Variants in EVC observed in about 807,000 individuals in gnomAD.
EVC encodes the protein evC complex member EVC.
EVC carries 116 observed loss-of-function variants against 118.9 expected under a neutral mutation model. The observed-to-expected ratio is 0.98, with a 90% CI of 0.84 to 1.14. The LOEUF is 1.14. Among genes scored for constraint, EVC ranks in the 50% most tolerant of loss-of-function variants. The pLI is 0.00. For synonymous variants in EVC, 619 were observed against 534.7 expected (o/e 1.16, Z -2.18); for missense variants, 1,401 against 1,246.4 (o/e 1.12, Z -1.87).
chr4:5,741,431 C>T (rs1045983771), intron 5 of EVC, among the ~76,000 whole-genome samples: 4 of 152,154 alleles, frequency 2.6e-5, no homozygotes, highest in African/African-American at 9.7e-5. Flanking sequence ...ATGTGGAGGG[C>T]CTTGCACAGA....
chr4:5,816,974 T>C (rs1187601181), downstream of EVC, among the ~76,000 whole-genome samples: 1 of 152,136 alleles, frequency 6.6e-6, no homozygotes, highest in African/African-American at 2.4e-5. Flanking sequence ...CTCCTTTCTC[T>C]GGAAACCACT....
intron 7 of EVC, among the ~76,000 whole-genome samples, chr4:5,747,753 T>G (rs1279516725): frequency 6.6e-6 from 1 of 152,246 alleles, no homozygotes; most frequent in Non-Finnish European, 1.5e-5. Flanking sequence ...AACATCTGTT[T>G]ATGCTTTTAC....
intron 1 of EVC, among the ~76,000 whole-genome samples, chr4:5,713,336 A>G (rs993703266): frequency 2.0e-5 from 3 of 152,158 alleles, no homozygotes; most frequent in Non-Finnish European, 4.4e-5. Context: ...GTCAGACAAT[A>G]TGATTCTCCT....
At position 5,809,600 on chromosome 4, in the gene EVC, G is replaced by T; in HGVS notation, c.2771G>T (p.Arg924Leu). 1.2e-6 allele frequency: 2 copies of T among 1,614,098 alleles called. No individual in the cohort carries two copies. The highest frequency in any genetic ancestry group is 1.7e-6 in the Non-Finnish European group (2 of 1,180,004). The change falls in exon 19 of 21, where the codon CGT (arginine) becomes CTT (leucine). Residue 924 changes from arginine (R) to leucine (L), a missense_variant. Coordinates refer to ENST00000264956, the MANE Select transcript of EVC (RefSeq NM_153717.3). ...LAESKLLPAK[R>L]GLLEKPLRTK... ...GAAAGCAAACTGTTGCCTGCTAAGC[G>T]TGGGCTGCTAGGTGAGTCACAGATG...
In EVC at chr4:5,756,205, G is replaced by T; in HGVS notation, c.1465-59G>T. 1.7e-6 allele frequency: 2 copies of T among 1,206,360 alleles called. No homozygotes were observed. Among genetic ancestry groups the T allele is most frequent in the South Asian group, 1.3e-5 (1 of 74,878 alleles). The allele number at this position is 1,206,360 out of a possible 1,614,324, so 74.7% of individuals were successfully genotyped here. Reference sequence around the variant, plus strand: ...CAGGGGATGGTTGGAGAACCTTCTGGAAAAAAAAAAAAAAACCCTGCATGT... The same window carrying T: ...CAGGGGATGGTTGGAGAACCTTCTGTAAAAAAAAAAAAAAACCCTGCATGT... On this transcript the variant is annotated intron_variant, in intron 10 of 20. Coordinates refer to ENST00000264956, the MANE Select transcript of EVC (RefSeq NM_153717.3). The surrounding 1 kb of genome is among the most constrained non-coding windows in gnomAD (Gnocchi z 4.2).
At chr4:5,781,184 A>G (rs894585360) in intron 11 of EVC, among the ~76,000 whole-genome samples, 1 of 152,180 alleles carries the variant, frequency 6.6e-6, no homozygotes, top group Non-Finnish European at 1.5e-5. Flanking sequence ...TTTTTGGAAC[A>G]TGTGAGGAGA....
intron 16 of EVC, among the ~76,000 whole-genome samples, chr4:5,804,476 C>T (rs1205745325): frequency 6.6e-6 from 1 of 152,142 alleles, no homozygotes; most frequent in Non-Finnish European, 1.5e-5. Flanking sequence ...AGTCGGCACC[C>T]ATTTCTCCTG....
chr4:5,750,511 C>G (rs532371545), intron 8 of EVC, among the ~76,000 whole-genome samples: 1 of 152,302 alleles, frequency 6.6e-6, no homozygotes, highest in African/African-American at 2.4e-5. Context: ...AATGCAGGCT[C>G]AGGGAAGAAA....
the EVC span, chr4:5,825,779 C>T: frequency 9.7e-6 from 8 of 820,716 alleles, no homozygotes; most frequent in East Asian, 2.3e-4. The surrounding 1 kb of genome is among the most constrained non-coding windows in gnomAD (Gnocchi z 4.4). Context: ...TGTGCATGCA[C>T]ACACACACAC....
chr4:5,810,056 C>G (rs1716634207), intron 19 of EVC, among the ~76,000 whole-genome samples: 1 of 152,228 alleles, frequency 6.6e-6, no homozygotes, highest in South Asian at 2.1e-4. Flanking sequence ...ATTAAGTCTT[C>G]CAGTCAGCTG....
chr4:5,810,302 T>A (rs1456552284), intron 19 of EVC, 37 bp from the exon 20 acceptor site: 7 of 1,549,978 alleles, frequency 4.5e-6, no homozygotes, highest in African/African-American at 1.4e-5. Flanking sequence ...TTGTCTAAAG[T>A]CACAGAGCCA....
In EVC at chr4:5,808,240, A is replaced by G; in HGVS notation, c.2601A>G (p.Pro867=). ...AGAAGAGGTTCCTGGCCCAGTTCCC[A>G]GTGCACCAGCAGATGCGTCTGCACG... ...SQQKRFLAQF[P]VHQQMRLHAQ... is the part of the protein sequence containing the mutation. The change falls in exon 18 of 21, where the codon CCA becomes CCG. Residue 867 remains proline, a synonymous_variant. Transcript: ENST00000264956. 1 of 1,601,164 alleles carries G rather than the reference A, an allele frequency of 6.2e-7. No individual in the cohort carries two copies. The highest frequency in any genetic ancestry group is 8.5e-7 in the Non-Finnish European group (1 of 1,175,050).
At chr4:5,763,741 A>G (rs1732430804) in intron 11 of EVC, among the ~76,000 whole-genome samples, 1 of 115,574 alleles carries the variant, frequency 8.7e-6, no homozygotes, top group Non-Finnish European at 1.8e-5. Context: ...TGATTTTTGT[A>G]CATTGATTTT....
intron 1 of EVC, among the ~76,000 whole-genome samples, chr4:5,718,281 T>A (rs935075478): frequency 1.3e-5 from 2 of 151,546 alleles, no homozygotes; most frequent in African/African-American, 4.8e-5. Flanking sequence ...CATAGCATAG[T>A]TTTATGTATG....
At chr4:5,740,470 CAAA>C (rs59318619) in intron 5 of EVC, among the ~76,000 whole-genome samples, 127 of 105,564 alleles carry the variant, frequency 1.2e-3, no homozygotes, top group Middle Eastern at 5.3e-3. Context: ...TACTCCATCT[CAAA>C]AAAAAAAAAA....
At position 5,754,267 on chromosome 4, in the gene EVC, G is replaced by A. The variant is rs1442057095; in HGVS notation, c.1464+334G>A. 2.0e-5 allele frequency among the ~76,000 whole-genome samples: 3 copies of A among 152,138 alleles called. No homozygotes were observed. Among genetic ancestry groups the A allele is most frequent in the Admixed American group, 1.3e-4 (2 of 15,272 alleles). Reference sequence around the variant, plus strand: ...AAGGGAGCAATGTGTGGCCCAGAGGGGACAAGCATGTCCCGGAGAGTAAGG... The same window carrying A: ...AAGGGAGCAATGTGTGGCCCAGAGGAGACAAGCATGTCCCGGAGAGTAAGG... On this transcript the variant is annotated intron_variant, in intron 10 of 20. Coordinates refer to ENST00000264956, the MANE Select transcript of EVC (RefSeq NM_153717.3). This position sits in a 1 kb window ranked among gnomAD's most constrained non-coding sequence, Gnocchi z 5.8.
At chr4:5,817,169 TG>T (rs1717839233), downstream of EVC, among the ~76,000 whole-genome samples, 1 of 152,208 alleles carries the variant, frequency 6.6e-6, no homozygotes. Context: ...GCTATGAAAC[TG>T]GAGTCATGGA....
intron 12 of EVC, among the ~76,000 whole-genome samples, chr4:5,791,829 C>T (rs755449348): frequency 6.6e-6 from 1 of 152,122 alleles, no homozygotes; most frequent in Non-Finnish European, 1.5e-5. Context: ...TCCAACTCCC[C>T]ACCCCTGAAA....
chr4:5,728,902 T>A (rs1726302447), intron 2 of EVC, among the ~76,000 whole-genome samples: 2 of 152,224 alleles, frequency 1.3e-5, no homozygotes, highest in African/African-American at 4.8e-5. Flanking sequence ...TGTGCCATTC[T>A]CTTATGATAG....
Sources: gnomAD v4.1 joint callset for allele counts (sites outside exome capture counted in the v4.1 genomes callset) on GRCh38, gnomAD v4.1.1 for gene constraint, Gnocchi (gnomAD v3.1) non-coding constraint, MANE v1.5 for transcripts, NCBI Gene and HGNC (gene_info 2026-07-23, HGNC 2026-07-21) for gene names.